Variants in GAB2 observed in about 807,000 individuals in gnomAD.
GAB2 encodes GRB2-associated-binding protein 2.
In GAB2, 26 loss-of-function variants were observed where a neutral mutation model predicts 65.5. That is an observed-to-expected ratio of 0.40 (90% CI 0.29 to 0.55). GAB2 has a LOEUF of 0.55. GAB2 is among the 20% of genes least tolerant of loss of function. GAB2 has a pLI of 0.53. For synonymous variants in GAB2, 321 were observed against 329.6 expected, an observed-to-expected ratio of 0.97 and a Z score of 0.28; for missense variants, 884 against 875.8, an observed-to-expected ratio of 1.01 and a Z score of -0.12.
chr11:78,345,143 G>A (rs1856160110), intron 1 of GAB2, among the ~76,000 whole-genome samples: 1 of 152,104 alleles, frequency 6.6e-6, no homozygotes, highest in African/African-American at 2.4e-5. Context: ...AGCTAGGTGT[G>A]GTGGCACGCA....
intron 2 of GAB2, among the ~76,000 whole-genome samples, chr11:78,273,915 G>T (rs1866089389): frequency 6.6e-6 from 1 of 152,146 alleles, no homozygotes; most frequent in Admixed American, 6.5e-5. Flanking sequence ...TGCTGCCACT[G>T]ATATAAGACA....
chr11:78,251,496 C>G (rs1865455476), intron 2 of GAB2, among the ~76,000 whole-genome samples: 1 of 152,230 alleles, frequency 6.6e-6, no homozygotes, highest in Non-Finnish European at 1.5e-5. Context: ...TAAGCTAGTC[C>G]AAATTCCTTA....
At chr11:78,357,205 A>T (rs1856370852) in intron 1 of GAB2, among the ~76,000 whole-genome samples, 1 of 152,210 alleles carries the variant, frequency 6.6e-6, no homozygotes, top group South Asian at 2.1e-4. Flanking sequence ...GAAATTCTGG[A>T]AAGAAAGAGA....
intron 1 of GAB2, among the ~76,000 whole-genome samples, chr11:78,319,789 G>A (rs995807664): frequency 6.6e-6 from 1 of 152,058 alleles, no homozygotes; most frequent in Non-Finnish European, 1.5e-5. Context: ...CTGTGCCACG[G>A]GCTGAGGATA....
chr11:78,417,152 G>A (rs1857208054), intron 1 of GAB2, among the ~76,000 whole-genome samples: 2 of 152,126 alleles, frequency 1.3e-5, no homozygotes, highest in Non-Finnish European at 1.5e-5. Context: ...GAGGGAGGCC[G>A]GCGGCCGGGA....
At chr11:78,320,750 A>G (rs1274938771) in intron 1 of GAB2, among the ~76,000 whole-genome samples, 1 of 126,996 alleles carries the variant, frequency 7.9e-6, no homozygotes, top group Admixed American at 8.5e-5. Flanking sequence ...TTTTTTTGGT[A>G]GAGATGGAGT....
chr11:78,251,009 A>G (rs1345340710), intron 2 of GAB2, among the ~76,000 whole-genome samples: 3 of 152,134 alleles, frequency 2.0e-5, no homozygotes, highest in Admixed American at 6.5e-5. Flanking sequence ...GTACAATGCT[A>G]TTTGGGTGAT....
chr11:78,412,074 A>T (rs1857137113), intron 1 of GAB2, among the ~76,000 whole-genome samples: 1 of 151,708 alleles, frequency 6.6e-6, no homozygotes, highest in African/African-American at 2.4e-5. Context: ...GAATCACTTG[A>T]ACCTGGGGAG....
intron 1 of GAB2, among the ~76,000 whole-genome samples, chr11:78,287,941 C>A (rs1259754651): frequency 6.6e-6 from 1 of 151,978 alleles, no homozygotes; most frequent in Non-Finnish European, 1.5e-5. Context: ...AGCCAGCGTG[C>A]CCAGCCACTG....
chr11:78,370,258 A>T (rs1432237588), intron 1 of GAB2, among the ~76,000 whole-genome samples: 1 of 1,320 alleles, frequency 7.6e-4, no homozygotes, highest in South Asian at 7.0e-3. Context: ...CTCCGTCTCA[A>T]AAAAAAAAAA....
chr11:78,240,640 G>A (rs1008839252), intron 3 of GAB2, among the ~76,000 whole-genome samples: 1 of 152,162 alleles, frequency 6.6e-6, no homozygotes, highest in African/African-American at 2.4e-5. Flanking sequence ...CTGCTACATG[G>A]TGTATCAATC....
rs574485992 is a variant in GAB2, at chr11:78,244,019, T to A, written c.620+6138A>T. ...GAGATGGAATTTGCAAAAAAAAGTC[T>A]CCCATCAAAAGCAAAAACAAAAAAG... On this transcript the variant is annotated intron_variant, in intron 3 of 9. Coordinates refer to ENST00000361507, the MANE Select transcript of GAB2 (RefSeq NM_080491.3). Among the ~76,000 whole-genome samples, 12 of 151,816 alleles carry A rather than the reference T, an allele frequency of 7.9e-5. No homozygotes were observed. The East Asian group carries it at 1.9e-3, about 24-fold the overall frequency.
chr11:78,368,526 A>G (rs986138828), intron 1 of GAB2, among the ~76,000 whole-genome samples: 1 of 152,224 alleles, frequency 6.6e-6, no homozygotes, highest in Non-Finnish European at 1.5e-5. Flanking sequence ...ATTACTACAC[A>G]AATAGTCACA....
At chr11:78,225,448 A>G (rs923033674) in intron 4 of GAB2, among the ~76,000 whole-genome samples, 48 of 152,090 alleles carry the variant, frequency 3.2e-4, no homozygotes, top group Non-Finnish European at 6.3e-4. Context: ...ACCCTCATCT[A>G]TGCACCTCTC....
chr11:78,252,940 C>CATA (rs1204827413), intron 2 of GAB2, among the ~76,000 whole-genome samples: 1 of 150,728 alleles, frequency 6.6e-6, no homozygotes, highest in Non-Finnish European at 1.5e-5. Context: ...CATGTCACGT[C>CATA]ATTATGTCAC....
chr11:78,353,862 C>T (rs909963754), intron 1 of GAB2, among the ~76,000 whole-genome samples: 5 of 152,166 alleles, frequency 3.3e-5, no homozygotes, highest in Admixed American at 2.6e-4. Flanking sequence ...TATCAGATAA[C>T]TCCTGGTACT....
At chr11:78,232,198 C>T (rs1864867802) in intron 3 of GAB2, among the ~76,000 whole-genome samples, 1 of 152,198 alleles carries the variant, frequency 6.6e-6, no homozygotes, top group Non-Finnish European at 1.5e-5. Flanking sequence ...GGTAAGCTCT[C>T]CACTGACATT....
rs535640025 is a variant in GAB2, at chr11:78,373,238, C to CT, written c.75+44407dup. Among the ~76,000 whole-genome samples the CT allele has an allele frequency of 5.4e-3, 733 of 136,066 alleles. 3 individuals carry two copies. The highest frequency in any genetic ancestry group is 0.013 in the African/African-American group (477 of 37,246). The allele number at this position is 136,066 out of a possible 152,430, so 89.3% of individuals were successfully genotyped here. A position where few individuals can be genotyped will look rare whatever the true frequency, so the allele number is the denominator to read the frequency against. On this transcript the variant is annotated intron_variant, in intron 1 of 9. Transcript: ENST00000361507. ...TAAAGCTACTAGGTGATTATAATGACTTTTTTTTTTTTTTTTTTGAGATGG... is the reference window on the plus strand; with the variant it reads ...TAAAGCTACTAGGTGATTATAATGACTTTTTTTTTTTTTTTTTTTGAGATGG...
intron 1 of GAB2, among the ~76,000 whole-genome samples, chr11:78,344,532 T>C (rs1373855210): frequency 6.6e-6 from 1 of 152,244 alleles, no homozygotes; most frequent in Non-Finnish European, 1.5e-5. Context: ...TCAAACTTTA[T>C]TTTTGTCCTA....
Sources: allele counts gnomAD v4.1 joint callset (sites outside exome capture counted in the v4.1 genomes callset), GRCh38; gene constraint gnomAD v4.1.1; transcripts MANE v1.5; gene names NCBI Gene and HGNC (gene_info 2026-07-23, HGNC 2026-07-21).